LRMDA: variants seen among roughly 807,000 people sequenced by gnomAD.
LRMDA encodes the protein leucine-rich melanocyte differentiation-associated protein.
Under a neutral mutation model 29.8 loss-of-function variants are expected in LRMDA, and 18 were observed. The observed-to-expected ratio is 0.60, with a 90% CI of 0.42 to 0.90. The LOEUF is 0.90. Ranked by LOEUF, LRMDA falls within the 40% of genes least tolerant of loss-of-function variation. The probability of loss-of-function intolerance (pLI) is 0.00; values close to 1 mark genes in which losing one functional copy is unlikely to be tolerated. For synonymous variants in LRMDA, 125 were observed against 109.4 expected (o/e 1.14, Z -0.89); for missense variants, 273 against 273.9 (o/e 1.00, Z 0.02).
intron 2 of LRMDA, among the ~76,000 whole-genome samples, chr10:75,456,721 G>A (rs1194648650): frequency 6.6e-6 from 1 of 152,138 alleles, no homozygotes; most frequent in African/African-American, 2.4e-5. Flanking sequence ...TTTCGCCCAG[G>A]CTGAAGTGCT....
chr10:76,240,557 G>A (rs1299412822), intron 5 of LRMDA, among the ~76,000 whole-genome samples: 1 of 149,578 alleles, frequency 6.7e-6, no homozygotes, highest in East Asian at 1.9e-4. Context: ...AACCACTATG[G>A]AAAACTGTGG....
intron 5 of LRMDA, among the ~76,000 whole-genome samples, chr10:76,168,884 A>T (rs1850786544): frequency 6.6e-6 from 1 of 152,332 alleles, no homozygotes; most frequent in Admixed American, 6.5e-5. Context: ...CATTCCATGA[A>T]GTCCACTGTT....
intron 6 of LRMDA, among the ~76,000 whole-genome samples, chr10:76,328,966 C>T (rs570086482): frequency 3.3e-5 from 5 of 152,316 alleles, no homozygotes; most frequent in African/African-American, 1.2e-4. Flanking sequence ...CAGTGATTCT[C>T]AGGAGCTTGC....
At chr10:76,465,697 G>A (rs990829455) in intron 6 of LRMDA, among the ~76,000 whole-genome samples, 4 of 152,082 alleles carry the variant, frequency 2.6e-5, no homozygotes, top group Admixed American at 1.3e-4. Flanking sequence ...AATGCCACTC[G>A]CTGGGTGACT....
chr10:76,215,780 A>G (rs1564688731), intron 5 of LRMDA, among the ~76,000 whole-genome samples: 2 of 152,190 alleles, frequency 1.3e-5, no homozygotes, highest in Non-Finnish European at 2.9e-5. Flanking sequence ...TGTAAGTGAG[A>G]ATAGATTGAT....
At chr10:76,227,023 A>T (rs1187843198) in intron 5 of LRMDA, among the ~76,000 whole-genome samples, 1 of 152,226 alleles carries the variant, frequency 6.6e-6, no homozygotes, top group Non-Finnish European at 1.5e-5. Flanking sequence ...TTAGAAAAAA[A>T]TATTATGGAA....
At chr10:76,389,022 C>T (rs1589162418) in intron 6 of LRMDA, among the ~76,000 whole-genome samples, 1 of 152,138 alleles carries the variant, frequency 6.6e-6, no homozygotes, top group Non-Finnish European at 1.5e-5. Flanking sequence ...TGACACAGGA[C>T]AGGGAGCAGG....
chr10:76,221,168 C>T (rs1851827090), intron 5 of LRMDA, among the ~76,000 whole-genome samples: 1 of 151,922 alleles, frequency 6.6e-6, no homozygotes, highest in Admixed American at 6.6e-5. Context: ...CAATATCATA[C>T]TGAATGGGCA....
At chr10:76,555,575 C>T (rs1450620033) in intron 6 of LRMDA, among the ~76,000 whole-genome samples, 1 of 152,136 alleles carries the variant, frequency 6.6e-6, no homozygotes, top group African/African-American at 2.4e-5. Context: ...TGTTCCAAGC[C>T]ATCCAAACCA....
intron 6 of LRMDA, among the ~76,000 whole-genome samples, chr10:76,513,589 A>C (rs963656453): frequency 7.9e-5 from 12 of 152,184 alleles, no homozygotes; most frequent in African/African-American, 2.9e-4. Context: ...GTAGAGTTTG[A>C]ATTAGCCCTT....
chr10:75,888,104 T>A (rs1352251444), intron 2 of LRMDA, among the ~76,000 whole-genome samples: 1 of 152,214 alleles, frequency 6.6e-6, no homozygotes, highest in East Asian at 1.9e-4. Flanking sequence ...GATAAGACAC[T>A]TTTAGTTCAC....
At chr10:76,376,900 TTTTGA>T (rs1841527575) in intron 6 of LRMDA, among the ~76,000 whole-genome samples, 1 of 115,366 alleles carries the variant, frequency 8.7e-6, no homozygotes, top group East Asian at 2.6e-4. Flanking sequence ...TTTTTTTTTT[TTTTGA>T]GACGTAGTCT....
intron 2 of LRMDA, among the ~76,000 whole-genome samples, chr10:75,837,563 CAT>C (rs1844462091): frequency 6.6e-6 from 1 of 152,108 alleles, no homozygotes; most frequent in Non-Finnish European, 1.5e-5. Context: ...GCTTAGGACA[CAT>C]GTGGATTTGA....
chr10:75,639,975 A>G (rs1841432725), intron 2 of LRMDA, among the ~76,000 whole-genome samples: 1 of 152,232 alleles, frequency 6.6e-6, no homozygotes, highest in Admixed American at 6.5e-5. Context: ...AGAAAGATAT[A>G]CAGCCAAAGA....
At chr10:75,454,668 G>A (rs1213506868) in intron 2 of LRMDA, among the ~76,000 whole-genome samples, 1 of 152,248 alleles carries the variant, frequency 6.6e-6, no homozygotes, top group African/African-American at 2.4e-5. Flanking sequence ...TGGATCACGA[G>A]TCTGTCCTGG....
At chr10:75,632,838 G>C (rs556344930) in intron 2 of LRMDA, among the ~76,000 whole-genome samples, 1 of 122,862 alleles carries the variant, frequency 8.1e-6, no homozygotes, top group East Asian at 2.7e-4. Context: ...AGTGTTCAGA[G>C]CCAGGCAGCC....
At chr10:76,271,966 A>C (rs1387686683) in intron 5 of LRMDA, among the ~76,000 whole-genome samples, 1 of 152,184 alleles carries the variant, frequency 6.6e-6, no homozygotes, top group Admixed American at 6.5e-5. Flanking sequence ...AGGGGCCCTG[A>C]TTTATGTGTG....
At chr10:75,913,461 G>GA (rs556695699) in intron 2 of LRMDA, among the ~76,000 whole-genome samples, 1 of 151,900 alleles carries the variant, frequency 6.6e-6, no homozygotes, top group East Asian at 1.9e-4. Context: ...GTCTTGGGGG[G>GA]AAAAAAAATT....
rs200963479 is a variant in LRMDA at position 75,651,556 on chromosome 10, A to G, written c.131+213062A>G. 2.0e-4 allele frequency among the ~76,000 whole-genome samples: 31 copies of G among 152,344 alleles called. No homozygotes were observed. In the East Asian group the frequency reaches 5.4e-3, roughly 27 times the overall value. ...TATTAGCTCCTCTTAGGATCTGTGT[A>G]TAAGCCAAATCATGTTGGCTTAGGC... On this transcript the variant is annotated intron_variant, in intron 2 of 6. Coordinates refer to ENST00000611255, the MANE Select transcript of LRMDA (RefSeq NM_001305581.2).
Sources: allele counts gnomAD v4.1 joint callset (sites outside exome capture counted in the v4.1 genomes callset), GRCh38; gene constraint gnomAD v4.1.1; transcripts MANE v1.5; gene names NCBI Gene and HGNC (gene_info 2026-07-23, HGNC 2026-07-21).